Variants in DUSP6 observed in about 807,000 individuals in gnomAD.
DUSP6 encodes dual specificity phosphatase 6, also known as dual specificity protein phosphatase 6.
A neutral mutation model predicts 28.0 loss-of-function variants in DUSP6; 6 were observed. The ratio of observed to expected loss-of-function variants is 0.21; its 90% CI spans 0.12 to 0.42. DUSP6 has a LOEUF of 0.42. DUSP6 is among the 10% of genes least tolerant of loss of function. The pLI, the probability that DUSP6 is intolerant of heterozygous loss-of-function variation, is 1.00. For synonymous variants in DUSP6, 252 were observed against 217.5 expected (o/e 1.16, Z -1.40); for missense variants, 451 against 498.1 (o/e 0.91, Z 0.90).
At position 89,351,983 on chromosome 12, in the gene DUSP6, C is replaced by T. The variant is rs1879216347; in HGVS notation, c.57G>A (p.Thr19=). 1 of 1,613,078 alleles carries T rather than the reference C, an allele frequency of 6.2e-7. No individual in the cohort carries two copies. The highest frequency in any genetic ancestry group is 1.6e-4 in the Middle Eastern group (1 of 6,062). Residue 19 remains threonine, a synonymous_variant, in exon 1 of 3, where the codon ACG becomes ACA. Transcript: ENST00000279488. ...CCAGCTGCTCGTTGAGCCACGCCAC[C>T]GTCTTGCTGATCGCCATTTCCGACG... The part of the protein sequence containing the change: ...PFASEMAISK[T]VAWLNEQLEL...
intron 1 of DUSP6, 57 bp from the exon 2 acceptor site, chr12:89,351,082 C>T (rs1052510103): frequency 6.6e-7 from 1 of 1,510,144 alleles, no homozygotes; most frequent in Non-Finnish European, 8.8e-7. Flanking sequence ...GTTTTCACAG[C>T]TTGTAAGAAC....
Position 89,352,230 on chromosome 12 carries a change from C to G in DUSP6, c.-191G>C. The stretch of plus-strand genomic sequence containing the variant: ...AGCCGGAGGTTCTCTCTGCACCCAG[C>G]TGCAGCCGCTGGCTCTTAGTGTCAA... On this transcript the variant is annotated 5_prime_UTR_variant, in exon 1 of 3. Coordinates refer to ENST00000279488, the MANE Select transcript of DUSP6 (RefSeq NM_001946.4). 3 of 759,200 alleles carry G rather than the reference C, an allele frequency of 4.0e-6. No homozygotes were observed. Among genetic ancestry groups the G allele is most frequent in the Middle Eastern group, 3.9e-4 (1 of 2,544 alleles). The allele number at this position is 759,200 out of a possible 1,614,324, so 47.0% of individuals were successfully genotyped here.
chr12:89,349,701 T>G (rs1185441510), intron 2 of DUSP6, 140 bp from the exon 3 acceptor site: 2 of 621,558 alleles, frequency 3.2e-6, no homozygotes, highest in East Asian at 5.5e-5. Flanking sequence ...CAGCAGAAAA[T>G]GTATCACTGA....
chr12:89,349,131 T>C lies in DUSP6; in HGVS notation c.*123A>G, dbSNP rs915485960. The C allele has an allele frequency of 9.4e-7, 1 of 1,067,190 alleles. No individual in the cohort carries two copies. Among genetic ancestry groups the C allele is most frequent in the South Asian group, 1.5e-5 (1 of 65,122 alleles). The allele number at this position is 1,067,190 out of a possible 1,614,324, so 66.1% of individuals were successfully genotyped here. A position where few individuals can be genotyped will look rare whatever the true frequency, so the allele number is the denominator to read the frequency against. On this transcript the variant is annotated 3_prime_UTR_variant, in exon 3 of 3. Transcript: ENST00000279488. ...TTCCGCACTTGGTAACCTTGTCTAG[T>C]ACAGACAGCTGGTGTCATTTTGACA... is the stretch of plus-strand genomic sequence containing the variant.
rs1879029524 is a variant in DUSP6, at chr12:89,347,782, A to G, written c.*1472T>C. ...TGTATTCCTCAGCAAGCTATGCTCT[A>G]TAGGTTCATTTTTCTTCAGGGGCTT... On this transcript the variant is annotated 3_prime_UTR_variant, in exon 3 of 3. Coordinates refer to ENST00000279488, the MANE Select transcript of DUSP6 (RefSeq NM_001946.4). 1 of 152,198 alleles carries G rather than the reference A, an allele frequency of 6.6e-6. No individual in the cohort carries two copies. The highest frequency in any genetic ancestry group is 2.4e-5 in the African/African-American group (1 of 41,442). 9.4% of individuals were successfully genotyped at this position (152,198 alleles called of 1,614,324 possible).
Position 89,352,239 on chromosome 12 carries a change from C to A in DUSP6, c.-200G>T. 1.4e-6 allele frequency: 1 copy of A among 724,944 alleles called. No individual in the cohort carries two copies. Among genetic ancestry groups the A allele is most frequent in the East Asian group, 2.7e-5 (1 of 36,618 alleles). The allele number at this position is 724,944 out of a possible 1,614,324, so 44.9% of individuals were successfully genotyped here. ...TTCTCTCTGCACCCAGCTGCAGCCG[C>A]TGGCTCTTAGTGTCAATGAATCTCT... is the stretch of plus-strand genomic sequence containing the variant. On this transcript the variant is annotated 5_prime_UTR_variant, in exon 1 of 3. Coordinates refer to ENST00000279488, the MANE Select transcript of DUSP6 (RefSeq NM_001946.4).
intron 1 of DUSP6, 43 bp from the exon 2 acceptor site, chr12:89,351,068 A>G (rs925317157): frequency 6.5e-7 from 1 of 1,530,084 alleles, no homozygotes; most frequent in East Asian, 2.4e-5. Flanking sequence ...GAGAAGCCGT[A>G]GTAGTTTTCA....
rs1879218135 is a variant in DUSP6 at position 89,352,014 on chromosome 12, G to A, written c.26C>T (p.Pro9Leu). 1.2e-6 allele frequency: 2 copies of A among 1,612,842 alleles called. No homozygotes were observed. The highest frequency in any genetic ancestry group is 1.7e-5 in the Admixed American group (1 of 60,002). Residue 9 changes from proline (P) to leucine (L), a missense_variant, in exon 1 of 3, where the codon CCC becomes CTC. Pro to Leu is a moderately conservative substitution (Grantham distance 98, BLOSUM62 -3). Transcript: ENST00000279488. Reference protein sequence around the residue: MIDTLRPVPFASEMAISKT... With the variant: MIDTLRPVLFASEMAISKT... Reference sequence around the variant, plus strand: ...GCTGATCGCCATTTCCGACGCGAAGGGCACGGGTCTGAGCGTATCTATCAT... The same window carrying A: ...GCTGATCGCCATTTCCGACGCGAAGAGCACGGGTCTGAGCGTATCTATCAT...
At position 89,351,659 on chromosome 12, in the gene DUSP6, G is replaced by A. The variant is rs1565875490; in HGVS notation, c.381C>T (p.Cys127=). The A allele has an allele frequency of 6.2e-7, 1 of 1,603,842 alleles. No homozygotes were observed. Among genetic ancestry groups the A allele is most frequent in the East Asian group, 2.3e-5 (1 of 44,342 alleles). ...LLLKKLKDEG[C]RAFYLEGGFS... is the part of the protein sequence containing the mutation. ...GCGTACCTTCCAGGTAGAACGCCCG[G>A]CAGCCCTCGTCCTTGAGCTTCTTGA... Residue 127 remains cysteine (C), a synonymous_variant, in exon 1 of 3, where the codon TGC becomes TGT. Transcript: ENST00000279488.
In DUSP6 at chr12:89,350,953, C is replaced by G. The variant is rs766233542; in HGVS notation, c.473G>C (p.Ser158Thr). The change falls in exon 2 of 3, where the codon AGC becomes ACC. Residue 158 changes from serine (S) to threonine (T), a missense_variant. Around this residue, in one of 2 missense-constraint regions of DUSP6, gnomAD observed 347 missense variants for 346.6 expected, o/e 1.00. Transcript: ENST00000279488. The stretch of plus-strand genomic sequence containing the variant: ...CCCCAGCACTGGCAACGGCGGCGAG[C>G]TGCTGCTACACGAGCCGTCTAGATT... The part of the protein sequence containing the change: ...ETNLDGSCSS[S>T]SPPLPVLGLG... The G allele has an allele frequency of 2.5e-6, 4 of 1,613,012 alleles. No individual in the cohort carries two copies. Among genetic ancestry groups the G allele is most frequent in the Non-Finnish European group, 2.5e-6 (3 of 1,179,766 alleles).
At position 89,351,780 on chromosome 12, in the gene DUSP6, G is replaced by C; in HGVS notation, c.260C>G (p.Thr87Ser). The C allele has an allele frequency of 1.2e-6, 2 of 1,609,654 alleles. No homozygotes were observed. Among genetic ancestry groups the C allele is most frequent in the Non-Finnish European group, 1.7e-6 (2 of 1,178,692 alleles). Reference protein sequence around the residue: ...FTRGEDRDRFTRRCGTDTVVL... With the variant: ...FTRGEDRDRFSRRCGTDTVVL... ...CACTGTGTCGGTGCCACAGCGCCGG[G>C]TGAAGCGGTCCCGGTCCTCGCCGCG... is the stretch of plus-strand genomic sequence containing the variant. Residue 87 changes from threonine (T) to serine (S), a missense_variant, in exon 1 of 3, where the codon ACC becomes AGC. Physicochemically the swap from Thr to Ser is moderately conservative, Grantham distance 58. Transcript: ENST00000279488.
intron 1 of DUSP6, 180 bp downstream of exon 1, chr12:89,351,460 G>T (rs1051909547): frequency 2.8e-6 from 3 of 1,087,212 alleles, no homozygotes; most frequent in Non-Finnish European, 3.8e-6. Context: ...AGCCGGCCCG[G>T]TTCTCTGGTG....
At chr12:89,349,647 CATAATA>C (rs985222553) in intron 2 of DUSP6, 86 bp from the exon 3 acceptor site, 73 of 999,712 alleles carry the variant, frequency 7.3e-5, no homozygotes, top group East Asian at 7.1e-4. Flanking sequence ...AACTTGAAAA[CATAATA>C]ATAATAATAG....
intron 1 of DUSP6, chr12:89,351,316 C>G (rs1245836071): frequency 1.7e-6 from 1 of 580,064 alleles, no homozygotes; most frequent in Non-Finnish European, 3.0e-6. Context: ...AACAATCTCT[C>G]CCGTCCTGCA....
rs1447976959 is a variant in DUSP6 at position 89,348,184 on chromosome 12, T to G, written c.*1070A>C. 6.6e-6 allele frequency: 1 copy of G among 152,600 alleles called. No homozygotes were observed. The highest frequency in any genetic ancestry group is 1.5e-5 in the Non-Finnish European group (1 of 68,022). 9.5% of individuals were successfully genotyped at this position (152,600 alleles called of 1,614,324 possible). A position where few individuals can be genotyped will look rare whatever the true frequency, so the allele number is the denominator to read the frequency against. ...TAACTCTCCCTTCTTCACAATCAAATGCATTTCTCTTATCAAATGGGTACC... is the reference window on the plus strand; with the variant it reads ...TAACTCTCCCTTCTTCACAATCAAAGGCATTTCTCTTATCAAATGGGTACC... On this transcript the variant is annotated 3_prime_UTR_variant, in exon 3 of 3. Transcript: ENST00000279488.
chr12:89,350,995 G>C lies in DUSP6; in HGVS notation c.431C>G (p.Ser144Cys). The C allele has an allele frequency of 6.2e-7, 1 of 1,607,228 alleles. No homozygotes were observed. Among genetic ancestry groups the C allele is most frequent in the Non-Finnish European group, 8.5e-7 (1 of 1,177,806 alleles). ...GTCTAGATTGGTCTCGCAATGCAGG[G>C]AGAACTCGGCTTGGAACTTACTGAA... is the stretch of plus-strand genomic sequence containing the variant. ...GGFSKFQAEF[S>C]LHCETNLDGS... The change falls in exon 2 of 3, where the codon TCC (serine) becomes TGC (cysteine). Residue 144 changes from serine to cysteine, a missense_variant. Coordinates refer to ENST00000279488, the MANE Select transcript of DUSP6 (RefSeq NM_001946.4).
chr12:89,351,807 G>A lies in DUSP6; in HGVS notation c.233C>T (p.Thr78Met), dbSNP rs1317996436. 1 of 1,610,854 alleles carries A rather than the reference G, an allele frequency of 6.2e-7. No homozygotes were observed. The highest frequency in any genetic ancestry group is 8.5e-7 in the Non-Finnish European group (1 of 1,179,264). Reference sequence around the variant, plus strand: ...GAAGCGGTCCCGGTCCTCGCCGCGCGTGAAGAGCGCGCGCACCGGCAGGTT... The same window carrying A: ...GAAGCGGTCCCGGTCCTCGCCGCGCATGAAGAGCGCGCGCACCGGCAGGTT... ...KGNLPVRALF[T>M]RGEDRDRFTR... Residue 78 changes from threonine (T) to methionine (M), a missense_variant, in exon 1 of 3, where the codon ACG becomes ATG. Physicochemically the swap from Thr to Met is moderately conservative, Grantham distance 81. This residue lies in a region of DUSP6 where 347 missense variants were observed against 346.6 expected (regional missense o/e 1.00). Transcript: ENST00000279488.
Position 89,351,922 on chromosome 12 carries a change from G to T in DUSP6, c.118C>A (p.Arg40=), listed in dbSNP as rs769601359. 6.2e-7 allele frequency: 1 copy of T among 1,612,924 alleles called. No individual in the cohort carries two copies. The highest frequency in any genetic ancestry group is 8.5e-7 in the Non-Finnish European group (1 of 1,179,952). ...GNERLLLMDC[R]PQELYESSHI... is the part of the protein sequence containing the mutation. ...GACGACTCGTATAGCTCCTGCGGCCGGCAGTCCATCAGCAGCAGCCGCTCG... is the reference window on the plus strand; with the variant it reads ...GACGACTCGTATAGCTCCTGCGGCCTGCAGTCCATCAGCAGCAGCCGCTCG... The change falls in exon 1 of 3, where the codon CGG becomes AGG. Residue 40 remains arginine (R), a synonymous_variant. Coordinates refer to ENST00000279488, the MANE Select transcript of DUSP6 (RefSeq NM_001946.4).
At chr12:89,351,426 G>A (rs1879184060) in intron 1 of DUSP6, 2 of 791,162 alleles carry the variant, frequency 2.5e-6, no homozygotes, top group African/African-American at 1.7e-5. Flanking sequence ...GCCGGTACCC[G>A]CAGCCGGAAG....
Sources: gnomAD v4.1 joint callset for allele counts on GRCh38, gnomAD v4.1.1 for gene constraint, gnomAD v4.1.1 regional missense constraint, MANE v1.5 for transcripts, NCBI Gene and HGNC (gene_info 2026-07-23, HGNC 2026-07-21) for gene names.